LARP1: variants seen among roughly 807,000 people sequenced by gnomAD.
LARP1 encodes la-related protein 1.
A neutral mutation model predicts 122.7 loss-of-function variants in LARP1; 36 were observed. That is an observed-to-expected ratio of 0.29 (90% CI 0.22 to 0.39). LARP1 has a LOEUF of 0.39. Ranked by LOEUF, LARP1 falls within the 10% of genes least tolerant of loss-of-function variation. LARP1 has a pLI of 1.00. For synonymous variants in LARP1, 539 were observed against 528.7 expected (o/e 1.02, Z -0.27); for missense variants, 1,040 against 1,403.6 (o/e 0.74, Z 4.14).
intron 1 of LARP1, among the ~76,000 whole-genome samples, chr5:154,687,572 G>A (rs566262443): frequency 9.4e-4 from 143 of 152,122 alleles, no homozygotes; most frequent in Non-Finnish European, 1.0e-3. Flanking sequence ...TAGTGGAGAC[G>A]GGGTTTCACC....
In LARP1 at chr5:154,814,370, T is replaced by G; in HGVS notation, c.*274T>G. 1 of 173,560 alleles carries G rather than the reference T, an allele frequency of 5.8e-6. No homozygotes were observed. The highest frequency in any genetic ancestry group is 1.4e-4 in the East Asian group (1 of 7,058). 10.8% of individuals were successfully genotyped at this position (173,560 alleles called of 1,614,324 possible). A position where few individuals can be genotyped will look rare whatever the true frequency, so the allele number is the denominator to read the frequency against. Reference sequence around the variant, plus strand: ...GGGAAAGGGGGGAGATTTTTATATATATATACATATATATATATCAAGTTT... The same window carrying G: ...GGGAAAGGGGGGAGATTTTTATATAGATATACATATATATATATCAAGTTT... On this transcript the variant is annotated 3_prime_UTR_variant, in exon 19 of 19. Transcript: ENST00000518297.
At chr5:154,776,683 G>A (rs1434183124) in intron 1 of LARP1, among the ~76,000 whole-genome samples, 1 of 152,232 alleles carries the variant, frequency 6.6e-6, no homozygotes, top group Non-Finnish European at 1.5e-5. Flanking sequence ...GGAGTTTATA[G>A]AGGGAGTCAA....
chr5:154,778,872 T>A (rs1012772884), intron 1 of LARP1, among the ~76,000 whole-genome samples: 1 of 152,200 alleles, frequency 6.6e-6, no homozygotes, highest in East Asian at 1.9e-4. Flanking sequence ...CAGTTAAATT[T>A]GAATTTTAGA....
At chr5:154,798,550 C>G (rs978158396) in intron 8 of LARP1, among the ~76,000 whole-genome samples, 1 of 152,146 alleles carries the variant, frequency 6.6e-6, no homozygotes, top group Non-Finnish European at 1.5e-5. Context: ...GAGACTAGGT[C>G]TTGCTCTTTT....
At position 154,808,461 on chromosome 5, in the gene LARP1, C is replaced by T. The variant is rs1758977232; in HGVS notation, c.2701C>T (p.Arg901Trp). 14 of 1,611,434 alleles carry T rather than the reference C, an allele frequency of 8.7e-6. No individual in the cohort carries two copies. The highest frequency in any genetic ancestry group is 1.1e-5 in the Non-Finnish European group (13 of 1,179,078). Residue 901 changes from arginine (R) to tryptophan (W), a missense_variant and splice_region_variant, in exon 16 of 19, where the codon CGG becomes TGG. By Grantham distance (101) the Arg-to-Trp change is moderately radical (BLOSUM62 -3). This residue lies in a region of LARP1 where 59 missense variants were observed against 137.2 expected (regional missense o/e 0.43). Transcript: ENST00000518297. ...HKYRRRCLNE[R>W]KRLGIGQSQE... is the part of the protein sequence containing the mutation. ...TTTCCTCCTTTCTTTCCCATCAGAGCGGAAACGCTTGGGCATTGGCCAGTC... is the reference window on the plus strand; with the variant it reads ...TTTCCTCCTTTCTTTCCCATCAGAGTGGAAACGCTTGGGCATTGGCCAGTC...
chr5:154,782,264 C>G (rs991573119), intron 1 of LARP1, among the ~76,000 whole-genome samples: 2 of 152,204 alleles, frequency 1.3e-5, no homozygotes. Flanking sequence ...ACTGTTCTAA[C>G]TAGAACCAAA....
chr5:154,770,694 T>A (rs1755337003), intron 1 of LARP1, among the ~76,000 whole-genome samples: 2 of 152,044 alleles, frequency 1.3e-5, no homozygotes, highest in East Asian at 3.9e-4. Context: ...TCAGGTAAGA[T>A]CCTTAGGGCA....
intron 1 of LARP1, among the ~76,000 whole-genome samples, chr5:154,684,281 C>G (rs1004439002): frequency 6.6e-6 from 1 of 151,994 alleles, no homozygotes; most frequent in African/African-American, 2.4e-5. Context: ...CCTATCTCTA[C>G]AAAAAAATTA....
intron 1 of LARP1, among the ~76,000 whole-genome samples, chr5:154,765,428 T>C (rs1031764047): frequency 2.0e-5 from 3 of 152,176 alleles, no homozygotes; most frequent in Non-Finnish European, 4.4e-5. Context: ...TCTGAGTCTG[T>C]CATCCAGCCT....
In LARP1 at chr5:154,813,868, A is replaced by C. The variant is rs773710473; in HGVS notation, c.3082-19A>C. 15 of 1,609,378 alleles carry C rather than the reference A, an allele frequency of 9.3e-6. No individual in the cohort carries two copies. The highest frequency in any genetic ancestry group is 1.3e-5 in the Non-Finnish European group (15 of 1,176,842). On this transcript the variant is annotated intron_variant, in intron 18 of 18. Coordinates refer to ENST00000518297, the MANE Select transcript of LARP1 (RefSeq NM_033551.3). ...TAGATAGTGCTTCTGATCACCTGTG[A>C]CTCCTTCCTCTGTTGCAGCCCCCCA...
At chr5:154,705,117 CAAAAA>C (rs35003168) in intron 1 of LARP1, among the ~76,000 whole-genome samples, 1 of 107,212 alleles carries the variant, frequency 9.3e-6, no homozygotes. Flanking sequence ...GACTCCGTCT[CAAAAA>C]AAAAAAAAAA....
chr5:154,711,085 T>A (rs879862310), upstream of LARP1, among the ~76,000 whole-genome samples: 24 of 152,082 alleles, frequency 1.6e-4, no homozygotes, highest in South Asian at 1.5e-3. Context: ...ACTGCTGGAA[T>A]TTTGAAGACT....
intron 1 of LARP1, among the ~76,000 whole-genome samples, chr5:154,722,264 G>T (rs1258569812): frequency 6.6e-6 from 1 of 152,104 alleles, no homozygotes; most frequent in Non-Finnish European, 1.5e-5. Context: ...CTCCTGCAGG[G>T]AGGCTGCTGG....
intron 4 of LARP1, 130 bp from the exon 5 acceptor site, chr5:154,793,465 A>G (rs541022769): frequency 2.2e-5 from 25 of 1,132,064 alleles, no homozygotes; most frequent in Non-Finnish European, 3.3e-5. Context: ...TGTGTGGGAA[A>G]GGGATCTGCC....
At chr5:154,811,380 G>GT in intron 17 of LARP1, 24 bp downstream of exon 17, 1 of 1,611,174 alleles carries the variant, frequency 6.2e-7, no homozygotes, top group Non-Finnish European at 8.5e-7. Flanking sequence ...TTGGATCTGA[G>GT]TGAGGCCTGG....
At chr5:154,733,567 CTTT>C (rs11350739) in intron 1 of LARP1, among the ~76,000 whole-genome samples, 2 of 141,754 alleles carry the variant, frequency 1.4e-5, no homozygotes, top group Non-Finnish European at 3.1e-5. Context: ...TTCTTTCTTT[CTTT>C]TTTTTTTTTG....
chr5:154,809,704 T>C (rs1759098952), intron 16 of LARP1, among the ~76,000 whole-genome samples: 1 of 148,596 alleles, frequency 6.7e-6, no homozygotes, highest in Non-Finnish European at 1.5e-5. Context: ...TATTTCTTTT[T>C]TTTTTTTTTT....
At chr5:154,776,471 G>T (rs904040658) in intron 1 of LARP1, among the ~76,000 whole-genome samples, 1 of 152,158 alleles carries the variant, frequency 6.6e-6, no homozygotes, top group Non-Finnish European at 1.5e-5. Context: ...GTGTGTAATT[G>T]AAACTACCTG....
intron 1 of LARP1, among the ~76,000 whole-genome samples, chr5:154,737,052 G>T (rs1237461426): frequency 1.3e-5 from 2 of 151,398 alleles, no homozygotes; most frequent in Non-Finnish European, 2.9e-5. Flanking sequence ...TGTTTTTTTG[G>T]TTTTTCAAGA....
Sources: gnomAD v4.1 joint callset for allele counts (sites outside exome capture counted in the v4.1 genomes callset) on GRCh38, gnomAD v4.1.1 for gene constraint, gnomAD v4.1.1 regional missense constraint, MANE v1.5 for transcripts, NCBI Gene and HGNC (gene_info 2026-07-23, HGNC 2026-07-21) for gene names.